Variants in HYDIN observed in about 807,000 individuals in gnomAD.
HYDIN encodes HYDIN axonemal central pair apparatus protein, also known as axonemal central pair apparatus protein HYDIN.
A neutral mutation model predicts 403.9 loss-of-function variants in HYDIN; 132 were observed. That is an observed-to-expected ratio of 0.33 (90% CI 0.28 to 0.38). The LOEUF (loss-of-function observed/expected upper bound fraction) is 0.38. Among genes scored for constraint, HYDIN ranks in the 10% least tolerant of loss-of-function variants. The probability of loss-of-function intolerance (pLI) is 1.00; values close to 1 mark genes in which losing one functional copy is unlikely to be tolerated. For synonymous variants in HYDIN, 1,202 were observed against 1,891.7 expected, an observed-to-expected ratio of 0.64 and a Z score of 9.46; for missense variants, 2,827 against 5,009.5, an observed-to-expected ratio of 0.56 and a Z score of 13.15.
At chr16:71,102,261 G>A (rs1263069813) in intron 10 of HYDIN, among the ~76,000 whole-genome samples, 2 of 151,900 alleles carry the variant, frequency 1.3e-5, no homozygotes, top group South Asian at 2.1e-4. Flanking sequence ...ATTTCTTAAC[G>A]TGGGTGACAG....
At chr16:70,996,909 G>T (rs1436167031) in intron 23 of HYDIN, among the ~76,000 whole-genome samples, 3 of 151,296 alleles carry the variant, frequency 2.0e-5, no homozygotes, top group South Asian at 2.1e-4. Flanking sequence ...CACTTATTGT[G>T]CACTTTATTT....
intron 4 of HYDIN, among the ~76,000 whole-genome samples, chr16:71,177,562 C>T (rs1156693710): frequency 1.3e-5 from 2 of 152,226 alleles, no homozygotes; most frequent in African/African-American, 4.8e-5. Context: ...CTGATCTCTG[C>T]AAGGCATCGC....
intron 41 of HYDIN, among the ~76,000 whole-genome samples, chr16:70,947,390 C>T (rs1056837437): frequency 6.6e-6 from 1 of 151,884 alleles, no homozygotes; most frequent in African/African-American, 2.4e-5. Flanking sequence ...GGGATGAAGC[C>T]CACTTGATCA....
chr16:71,000,088 G>C (rs2079654081), intron 23 of HYDIN, among the ~76,000 whole-genome samples: 1 of 151,024 alleles, frequency 6.6e-6, no homozygotes, highest in Non-Finnish European at 1.5e-5. Context: ...GCTTTCAGTA[G>C]ATTGTAGCTA....
At chr16:71,172,642 G>C (rs1172448380) in intron 5 of HYDIN, among the ~76,000 whole-genome samples, 1 of 152,184 alleles carries the variant, frequency 6.6e-6, no homozygotes, top group Non-Finnish European at 1.5e-5. Flanking sequence ...AATAGATGAT[G>C]GGCGGGAGGG....
At position 70,896,061 on chromosome 16, in the gene HYDIN, A is replaced by T. The variant is rs1189004540; in HGVS notation, c.9068T>A (p.Leu3023His). The change falls in exon 54 of 86, where the codon CTT (leucine) becomes CAT (histidine). Residue 3023 changes from leucine (L) to histidine (H), a missense_variant. Physicochemically the swap from Leu to His is moderately conservative, Grantham distance 99. Transcript: ENST00000393567. ...ATTTTCAATCTGAACAACACCAAGA[A>T]GATTTTCTGCATCTAAAACCTGGCA... ...IRLEVLDAEN[L>H]LGVVQIENIM... 1 of 1,613,534 alleles carries T rather than the reference A, an allele frequency of 6.2e-7. No individual in the cohort carries two copies. Among genetic ancestry groups the T allele is most frequent in the Non-Finnish European group, 8.5e-7 (1 of 1,179,908 alleles).
At chr16:71,096,599 G>A (rs866554702) in intron 10 of HYDIN, among the ~76,000 whole-genome samples, 10 of 149,220 alleles carry the variant, frequency 6.7e-5, no homozygotes, top group Non-Finnish European at 1.2e-4. Flanking sequence ...CCTAACAAGC[G>A]GTTAAATTCA....
chr16:71,184,943 C>A lies in HYDIN; in HGVS notation c.183G>T (p.Gln61His). 1 of 1,611,396 alleles carries A rather than the reference C, an allele frequency of 6.2e-7. No individual in the cohort carries two copies. The highest frequency in any genetic ancestry group is 8.5e-7 in the Non-Finnish European group (1 of 1,178,092). ...ACATCAAACGTGTTTTTGCCAGTCT[C>A]TGCTCGGTGGTCAGGGACATTTCCT... ...FLKEMSLTTE[Q>H]RLAKTRLMCR... The change falls in exon 3 of 86, where the codon CAG becomes CAT. Residue 61 changes from glutamine to histidine, a missense_variant. Coordinates refer to ENST00000393567, the MANE Select transcript of HYDIN (RefSeq NM_001270974.2).
chr16:71,227,096 G>A (rs538282378), intron 1 of HYDIN, among the ~76,000 whole-genome samples: 2 of 151,442 alleles, frequency 1.3e-5, no homozygotes, highest in African/African-American at 2.4e-5. Context: ...GAAATTATTC[G>A]CAAATTAAAT....
At chr16:71,127,882 C>G (rs993682042) in intron 9 of HYDIN, among the ~76,000 whole-genome samples, 2 of 151,838 alleles carry the variant, frequency 1.3e-5, no homozygotes, top group African/African-American at 4.8e-5. Context: ...ACTTTTGGTC[C>G]TCATCTTGAT....
chr16:70,811,294 G>A (rs1200192597), intron 84 of HYDIN: 1 of 152,434 alleles, frequency 6.6e-6, no homozygotes, highest in Non-Finnish European at 1.5e-5. Context: ...AAAATTAGCT[G>A]AGTGTAGCAG....
At chr16:71,000,462 G>C (rs932211817) in intron 23 of HYDIN, among the ~76,000 whole-genome samples, 1 of 149,442 alleles carries the variant, frequency 6.7e-6, no homozygotes, top group African/African-American at 2.5e-5. Context: ...CAGGAAATGA[G>C]ACTAAGCTGA....
chr16:71,102,665 G>A (rs1236032419), intron 10 of HYDIN, among the ~76,000 whole-genome samples: 5 of 151,562 alleles, frequency 3.3e-5, no homozygotes, highest in South Asian at 2.1e-4. Context: ...GATTTGTTTC[G>A]TGCTTTCCTC....
At chr16:70,868,902 T>C (rs900242370) in intron 65 of HYDIN, 114 bp from the exon 66 acceptor site, 28 of 920,994 alleles carry the variant, frequency 3.0e-5, no homozygotes, top group African/African-American at 2.5e-4. Context: ...AAAAAATGCA[T>C]GTTAAGCCTG....
chr16:71,222,736 C>T (rs905973430), intron 1 of HYDIN, among the ~76,000 whole-genome samples: 1 of 151,946 alleles, frequency 6.6e-6, no homozygotes, highest in African/African-American at 2.4e-5. Context: ...TTTACAACAG[C>T]TGCAAAAAAA....
chr16:71,179,947 C>T (rs1200334670), intron 3 of HYDIN, among the ~76,000 whole-genome samples: 2 of 152,170 alleles, frequency 1.3e-5, no homozygotes, highest in African/African-American at 4.8e-5. Flanking sequence ...AGTTTGAAAA[C>T]TGCAGCTGTA....
chr16:70,839,531 G>C (rs2037670237), intron 76 of HYDIN, among the ~76,000 whole-genome samples: 1 of 147,084 alleles, frequency 6.8e-6, no homozygotes, highest in African/African-American at 2.6e-5. Flanking sequence ...CATCATGATG[G>C]AAAGTTCTCT....
At chr16:70,939,076 G>A (rs1323525426) in intron 43 of HYDIN, among the ~76,000 whole-genome samples, 1 of 152,154 alleles carries the variant, frequency 6.6e-6, no homozygotes, top group East Asian at 1.9e-4. Flanking sequence ...TATTTTGGGG[G>A]GCCCAGTCTA....
At chr16:71,125,283 C>T (rs1184645555) in intron 9 of HYDIN, among the ~76,000 whole-genome samples, 2 of 151,952 alleles carry the variant, frequency 1.3e-5, no homozygotes, top group African/African-American at 2.4e-5. Flanking sequence ...GTCCTGAATC[C>T]CCTCCCACAA....
Sources: gnomAD v4.1 joint callset for allele counts (sites outside exome capture counted in the v4.1 genomes callset) on GRCh38, gnomAD v4.1.1 for gene constraint, MANE v1.5 for transcripts, NCBI Gene and HGNC (gene_info 2026-07-23, HGNC 2026-07-21) for gene names.